LPCAT1: variants seen among roughly 807,000 people sequenced by gnomAD.
The protein encoded by LPCAT1 is lysophosphatidylcholine acyltransferase 1, also known as 1-acylglycerol-3-phosphate O-acyltransferase.
Under a neutral mutation model 60.9 loss-of-function variants are expected in LPCAT1, and 23 were observed. That is an observed-to-expected ratio of 0.38 (90% CI 0.27 to 0.53). LPCAT1 has a LOEUF of 0.53. Ranked by LOEUF, LPCAT1 falls within the 20% of genes least tolerant of loss-of-function variation. The pLI is 0.82. For synonymous variants in LPCAT1, 340 were observed against 301.1 expected (o/e 1.13, Z -1.34); for missense variants, 622 against 723.6 (o/e 0.86, Z 1.61).
At position 1,483,343 on chromosome 5, in the gene LPCAT1, G is replaced by A. The variant is rs780484182; in HGVS notation, c.726+85C>T. On this transcript the variant is annotated intron_variant, in intron 6 of 13. Transcript: ENST00000283415. This position sits in a 1 kb window ranked among gnomAD's most constrained non-coding sequence, Gnocchi z 9.2. ...CGCAGATAAAGGGTGTGGAGAGACAGAGACACAGGTGCACAGAGGCAGCTC... is the reference window on the plus strand; with the variant it reads ...CGCAGATAAAGGGTGTGGAGAGACAAAGACACAGGTGCACAGAGGCAGCTC... 86 of 1,369,554 alleles carry A rather than the reference G, an allele frequency of 6.3e-5. No individual in the cohort carries two copies. The highest frequency in any genetic ancestry group is 7.8e-5 in the Non-Finnish European group (75 of 958,276). 84.8% of individuals were successfully genotyped at this position (1,369,554 alleles called of 1,614,324 possible).
intron 12 of LPCAT1, 97 bp from the exon 13 acceptor site, chr5:1,466,987 G>A: frequency 1.6e-6 from 2 of 1,290,304 alleles, no homozygotes; most frequent in Non-Finnish European, 2.0e-6. Context: ...CGCTTTGTCA[G>A]AGCTGCTGGG....
chr5:1,508,736 A>C (rs1222157773), intron 1 of LPCAT1, among the ~76,000 whole-genome samples: 1 of 152,238 alleles, frequency 6.6e-6, no homozygotes. Context: ...CTTAAATGTA[A>C]ACAAGGCCAT....
Position 1,464,736 on chromosome 5 carries a change from G to A in LPCAT1, c.1421-901C>T, listed in dbSNP as rs114496116. Reference sequence around the variant, plus strand: ...GCACACACGGTAAACACACATGCACGCAGACACACACACACAAAACAAGCA... The same window carrying A: ...GCACACACGGTAAACACACATGCACACAGACACACACACACAAAACAAGCA... On this transcript the variant is annotated intron_variant, in intron 13 of 13. Coordinates refer to ENST00000283415, the MANE Select transcript of LPCAT1 (RefSeq NM_024830.5). Among the ~76,000 whole-genome samples the A allele has an allele frequency of 6.3e-3, 784 of 124,060 alleles. 6 individuals are homozygous for A. The highest frequency in any genetic ancestry group is 0.024 in the African/African-American group (753 of 31,292). The allele number at this position is 124,060 out of a possible 152,430, so 81.4% of individuals were successfully genotyped here.
intron 13 of LPCAT1, 82 bp downstream of exon 13, chr5:1,466,666 TG>T (rs2126472454): frequency 1.4e-6 from 2 of 1,442,300 alleles, no homozygotes; most frequent in African/African-American, 1.4e-5. Flanking sequence ...ACTCCTGTCC[TG>T]GGCTCCCACG....
intron 2 of LPCAT1, among the ~76,000 whole-genome samples, chr5:1,498,356 T>C: frequency 6.6e-6 from 1 of 152,182 alleles, no homozygotes; most frequent in East Asian, 1.9e-4. Flanking sequence ...AGCCCAGGAC[T>C]GTGCACCAAG....
In LPCAT1 at chr5:1,474,612, G is replaced by A. The variant is rs1213900585; in HGVS notation, c.973C>T (p.Leu325Phe). 2.5e-6 allele frequency: 4 copies of A among 1,614,080 alleles called. No individual in the cohort carries two copies. The highest frequency in any genetic ancestry group is 3.4e-6 in the Non-Finnish European group (4 of 1,180,024). Residue 325 changes from leucine (L) to phenylalanine (F), a missense_variant, in exon 10 of 14, where the codon CTC becomes TTC. Physicochemically the swap from Leu to Phe is conservative, Grantham distance 22 (BLOSUM62 0). Around this residue, in one of 3 missense-constraint regions of LPCAT1, gnomAD observed 288 missense variants for 283.6 expected, o/e 1.02. Coordinates refer to ENST00000283415, the MANE Select transcript of LPCAT1 (RefSeq NM_024830.5). ...QLALAEGQLRLPADTCLLEFA... is the reference protein window; with the variant it reads ...QLALAEGQLRFPADTCLLEFA... The stretch of plus-strand genomic sequence containing the variant: ...TCTAAAAGGCAAGTGTCAGCGGGGA[G>A]ACGGAGCTGTCCTTCCGCCAGGGCC...
chr5:1,493,134 G>A (rs1287180832), intron 3 of LPCAT1, among the ~76,000 whole-genome samples: 6 of 152,302 alleles, frequency 3.9e-5, no homozygotes, highest in South Asian at 4.1e-4. Context: ...CTCCAGTGCC[G>A]GCCTGTCCAG....
intron 3 of LPCAT1, among the ~76,000 whole-genome samples, chr5:1,491,288 G>C (rs1175905737): frequency 1.0e-5 from 1 of 100,254 alleles, no homozygotes; most frequent in African/African-American, 3.4e-5. Flanking sequence ...CTGATTGCGT[G>C]GTCTTTCGGT....
rs1039699760 is a variant in LPCAT1 at position 1,476,954 on chromosome 5, A to G, written c.899+450T>C. On this transcript the variant is annotated intron_variant, in intron 9 of 13. Transcript: ENST00000283415. The surrounding 1 kb of genome is among the most constrained non-coding windows in gnomAD (Gnocchi z 8.6). ...TAACTGCATGCACGACAACTGTGTA[A>G]GCAGCACAAGTCACCTTACAAGATT... Among the ~76,000 whole-genome samples the G allele has an allele frequency of 2.0e-5, 3 of 152,210 alleles. No homozygotes were observed. Among genetic ancestry groups the G allele is most frequent in the Admixed American group, 1.3e-4 (2 of 15,290 alleles).
chr5:1,513,918 A>G (rs2963280), intron 1 of LPCAT1, among the ~76,000 whole-genome samples: 1,278 of 104,184 alleles, frequency 0.012, 20 homozygotes, highest in African/African-American at 0.044. Context: ...CGTGGGGCGG[A>G]ACACCCTGTG....
In LPCAT1 at chr5:1,476,310, T is replaced by C. The variant is rs1379603596; in HGVS notation, c.899+1094A>G. Among the ~76,000 whole-genome samples the C allele has an allele frequency of 2.6e-5, 4 of 151,828 alleles. No individual in the cohort carries two copies. Among genetic ancestry groups the C allele is most frequent in the Non-Finnish European group, 4.4e-5 (3 of 67,938 alleles). On this transcript the variant is annotated intron_variant, in intron 9 of 13. Coordinates refer to ENST00000283415, the MANE Select transcript of LPCAT1 (RefSeq NM_024830.5). The surrounding 1 kb of genome is among the most constrained non-coding windows in gnomAD (Gnocchi z 8.6). ...TTGTATTGTTCAGAGCTGCCTGTGG[T>C]GGGGGTTGAGTGGAGCTTTGCGGGA...
chr5:1,521,393 A>C lies in LPCAT1; in HGVS notation c.135+2317T>G. On this transcript the variant is annotated intron_variant, in intron 1 of 13. Coordinates refer to ENST00000283415, the MANE Select transcript of LPCAT1 (RefSeq NM_024830.5). This position sits in a 1 kb window ranked among gnomAD's most constrained non-coding sequence, Gnocchi z 4.3. The stretch of plus-strand genomic sequence containing the variant: ...TTAGCTGGGTTTCTGCGGGTTCTTG[A>C]GTGTGTCAGCCACTACTGGACCCAT... The C allele has an allele frequency of 1.0e-6, 1 of 985,394 alleles. No homozygotes were observed. Among genetic ancestry groups the C allele is most frequent in the Non-Finnish European group, 1.2e-6 (1 of 829,926 alleles). The allele number at this position is 985,394 out of a possible 1,614,324, so 61.0% of individuals were successfully genotyped here. A position where few individuals can be genotyped will look rare whatever the true frequency, so the allele number is the denominator to read the frequency against.
Position 1,480,350 on chromosome 5 carries a change from G to T in LPCAT1, c.761+592C>A. The T allele has an allele frequency of 1.1e-5, 11 of 985,230 alleles. No homozygotes were observed. Among genetic ancestry groups the T allele is most frequent in the Non-Finnish European group, 1.3e-5 (11 of 829,882 alleles). The allele number at this position is 985,230 out of a possible 1,614,324, so 61.0% of individuals were successfully genotyped here. A position where few individuals can be genotyped will look rare whatever the true frequency, so the allele number is the denominator to read the frequency against. ...GGACCCACATCCTCCCAAACGCCTG[G>T]AATGGAGCTGCTCTCTCTTGGACTT... On this transcript the variant is annotated intron_variant, in intron 7 of 13. Transcript: ENST00000283415. This position sits in a 1 kb window ranked among gnomAD's most constrained non-coding sequence, Gnocchi z 6.4.
At position 1,474,562 on chromosome 5, in the gene LPCAT1, G is replaced by A. The variant is rs780303802; in HGVS notation, c.1023C>T (p.Leu341=). The A allele has an allele frequency of 3.7e-5, 59 of 1,613,774 alleles. No individual in the cohort carries two copies. The highest frequency in any genetic ancestry group is 4.6e-5 in the Non-Finnish European group (54 of 1,179,990). ...LLEFARLVRG[L]GLKPEKLEKD... ...AGGAAGAAGAACCAGGTACTCACCC[G>A]AGGCCCCGCACGAGCCTGGCAAATT... The change falls in exon 10 of 14, where the codon CTC becomes CTT. Residue 341 remains leucine (L), a splice_region_variant and synonymous_variant. Transcript: ENST00000283415.
intron 1 of LPCAT1, among the ~76,000 whole-genome samples, chr5:1,509,042 C>T (rs1008184592): frequency 8.5e-5 from 13 of 152,254 alleles, no homozygotes; most frequent in Admixed American, 5.2e-4. Context: ...AGGGATGCTG[C>T]GGCCCCTCCG....
At position 1,502,876 on chromosome 5, in the gene LPCAT1, G is replaced by A. The variant is rs1287715369; in HGVS notation, c.136-1273C>T. On this transcript the variant is annotated intron_variant, in intron 1 of 13. Transcript: ENST00000283415. The surrounding 1 kb of genome is among the most constrained non-coding windows in gnomAD (Gnocchi z 5.5). ...CCCAAGAGAAACATGCCTGCCACAT[G>A]TGTCATTTTAAATTTTCGAGTGGCC... 6.6e-6 allele frequency among the ~76,000 whole-genome samples: 1 copy of A among 152,100 alleles called. No homozygotes were observed. Among genetic ancestry groups the A allele is most frequent in the Non-Finnish European group, 1.5e-5 (1 of 68,038 alleles).
At position 1,516,178 on chromosome 5, in the gene LPCAT1, T is replaced by C. The variant is rs1256393406; in HGVS notation, c.135+7532A>G. 2.0e-5 allele frequency among the ~76,000 whole-genome samples: 3 copies of C among 152,192 alleles called. No individual in the cohort carries two copies. In the East Asian group the frequency reaches 5.8e-4, roughly 29 times the overall value. On this transcript the variant is annotated intron_variant, in intron 1 of 13. Coordinates refer to ENST00000283415, the MANE Select transcript of LPCAT1 (RefSeq NM_024830.5). ...AGGTGAGGGAGAGGAGAGCCCACTC[T>C]TTACAGAGACTTCCCCAATGGCACA...
rs1475180432 is a variant in LPCAT1 at position 1,487,924 on chromosome 5, G to A, written c.667+467C>T. 2.0e-5 allele frequency among the ~76,000 whole-genome samples: 3 copies of A among 152,258 alleles called. No homozygotes were observed. The highest frequency in any genetic ancestry group is 7.2e-5 in the African/African-American group (3 of 41,552). ...CCGCGGGAGAGACCCAAGTTCACACGCATTTGAGTCCCCCCTCCCCAGGGA... is the reference window on the plus strand; with the variant it reads ...CCGCGGGAGAGACCCAAGTTCACACACATTTGAGTCCCCCCTCCCCAGGGA... On this transcript the variant is annotated intron_variant, in intron 5 of 13. Coordinates refer to ENST00000283415, the MANE Select transcript of LPCAT1 (RefSeq NM_024830.5). The surrounding 1 kb of genome is among the most constrained non-coding windows in gnomAD (Gnocchi z 6.1).
intron 1 of LPCAT1, among the ~76,000 whole-genome samples, chr5:1,506,993 G>A (rs564785151): frequency 6.6e-6 from 1 of 152,222 alleles, no homozygotes; most frequent in Non-Finnish European, 1.5e-5. Context: ...GCGGAACCAA[G>A]ACATCACTGC....
Sources: gnomAD v4.1 joint callset for allele counts (sites outside exome capture counted in the v4.1 genomes callset) on GRCh38, gnomAD v4.1.1 for gene constraint, gnomAD v4.1.1 regional missense constraint, Gnocchi (gnomAD v3.1) non-coding constraint, MANE v1.5 for transcripts, NCBI Gene and HGNC (gene_info 2026-07-23, HGNC 2026-07-21) for gene names.